Variants in GABRR1 observed in about 807,000 individuals in gnomAD.
The protein encoded by GABRR1 is gamma-aminobutyric acid receptor subunit rho-1.
GABRR1 carries 59 observed loss-of-function variants against 55.5 expected under a neutral mutation model. The ratio of observed to expected loss-of-function variants is 1.06; its 90% CI spans 0.86 to 1.32. The LOEUF (loss-of-function observed/expected upper bound fraction) is 1.32, where lower values mean the gene tolerates loss of function less well. Ranked by LOEUF, GABRR1 falls within the 40% of genes most tolerant of loss-of-function variation. The pLI, the probability that GABRR1 is intolerant of heterozygous loss-of-function variation, is 0.00. For missense variants in GABRR1, 602 were observed against 619.1 expected (o/e 0.97, Z 0.29); for synonymous variants, 213 against 226.0 (o/e 0.94, Z 0.51).
intron 1 of GABRR1, among the ~76,000 whole-genome samples, chr6:89,209,309 A>G (rs549098013): frequency 9.2e-5 from 14 of 151,930 alleles, no homozygotes; most frequent in Non-Finnish European, 1.8e-4. Context: ...TGTTCTCTTT[A>G]TTAGAATTCT....
At chr6:89,229,552 A>T (rs372695136) in intron 1 of GABRR1, among the ~76,000 whole-genome samples, 4 of 147,408 alleles carry the variant, frequency 2.7e-5, no homozygotes, top group South Asian at 4.4e-4. Context: ...GAAATTCTGC[A>T]TTGAAAATTC....
chr6:89,180,973 C>T (rs1446536713), intron 8 of GABRR1, among the ~76,000 whole-genome samples: 1 of 152,210 alleles, frequency 6.6e-6, no homozygotes, highest in Non-Finnish European at 1.5e-5. Flanking sequence ...CCCCAGCAGC[C>T]ACCACCATGC....
intron 5 of GABRR1, 110 bp downstream of exon 5, chr6:89,197,910 G>A: frequency 1.3e-6 from 1 of 796,060 alleles, no homozygotes; most frequent in Non-Finnish European, 2.1e-6. Flanking sequence ...TTGAGAAGCT[G>A]GCAACTACTG....
chr6:89,217,006 A>AG (rs1773004803), intron 1 of GABRR1, among the ~76,000 whole-genome samples, 195 bp downstream of exon 1: 1 of 152,218 alleles, frequency 6.6e-6, no homozygotes, highest in Non-Finnish European at 1.5e-5. Flanking sequence ...GATCTAATCT[A>AG]GCATCATTTT....
In GABRR1 at chr6:89,209,710, T is replaced by A. The variant is rs531507788; in HGVS notation, c.123-6225A>T. Among the ~76,000 whole-genome samples, 10 of 152,180 alleles carry A rather than the reference T, an allele frequency of 6.6e-5. No homozygotes were observed. In the South Asian group the frequency reaches 2.1e-3, roughly 32 times the overall value. ...CTTGTCTGAGGTTAGATTTATTTGATGAGGCAGCTTACAGTATTGGAAGGA... is the reference window on the plus strand; with the variant it reads ...CTTGTCTGAGGTTAGATTTATTTGAAGAGGCAGCTTACAGTATTGGAAGGA... On this transcript the variant is annotated intron_variant, in intron 1 of 9. Coordinates refer to ENST00000454853, the MANE Select transcript of GABRR1 (RefSeq NM_002042.5).
chr6:89,201,492 T>C (rs925745252), intron 2 of GABRR1, among the ~76,000 whole-genome samples: 4 of 152,130 alleles, frequency 2.6e-5, no homozygotes, highest in Non-Finnish European at 5.9e-5. Context: ...AAAATACTGA[T>C]GCCTGGGCCG....
intron 1 of GABRR1, among the ~76,000 whole-genome samples, chr6:89,223,979 T>C (rs1238896910): frequency 6.6e-6 from 1 of 151,914 alleles, no homozygotes; most frequent in Admixed American, 6.6e-5. Flanking sequence ...GGCCAGATGA[T>C]CTCGATCTCT....
intron 1 of GABRR1, among the ~76,000 whole-genome samples, chr6:89,229,898 A>G (rs1462351115): frequency 7.6e-6 from 1 of 131,152 alleles, no homozygotes; most frequent in African/African-American, 2.9e-5. Flanking sequence ...TGTCAGGTAC[A>G]CCAATCAGAC....
At chr6:89,186,789 G>A (rs1021572694) in intron 6 of GABRR1, among the ~76,000 whole-genome samples, 1 of 152,212 alleles carries the variant, frequency 6.6e-6, no homozygotes, top group African/African-American at 2.4e-5. Flanking sequence ...TGACAAGGCA[G>A]AGGTAAAGCC....
upstream of GABRR1, among the ~76,000 whole-genome samples, chr6:89,222,342 G>A (rs1773126998): frequency 6.6e-6 from 1 of 152,200 alleles, no homozygotes; most frequent in African/African-American, 2.4e-5. Context: ...AAGTAGCAGT[G>A]GCTTGGATCC....
chr6:89,201,819 C>A (rs9353652), intron 2 of GABRR1, among the ~76,000 whole-genome samples: 144,447 of 151,526 alleles, frequency 0.95, 68,915 homozygotes, highest in Middle Eastern at 0.98. Context: ...GCCCCACCTC[C>A]GAGATGCTGA....
At chr6:89,189,656 T>C (rs1392827107) in intron 6 of GABRR1, among the ~76,000 whole-genome samples, 3 of 149,856 alleles carry the variant, frequency 2.0e-5, no homozygotes, top group Admixed American at 2.0e-4. Context: ...AAACTTAAAG[T>C]ATAATTAAAA....
chr6:89,190,125 C>G (rs777971941), intron 6 of GABRR1, 40 bp downstream of exon 6: 3 of 1,398,166 alleles, frequency 2.1e-6, no homozygotes, highest in Non-Finnish European at 3.0e-6. Flanking sequence ...TGAGAATTAT[C>G]AGGAGCTGTG....
chr6:89,185,517 T>C, intron 6 of GABRR1, 67 bp from the exon 7 acceptor site: 3 of 1,438,640 alleles, frequency 2.1e-6, no homozygotes, highest in Non-Finnish European at 2.9e-6. Flanking sequence ...TGGGGCTATG[T>C]AGAAGCTGTG....
intron 5 of GABRR1, among the ~76,000 whole-genome samples, chr6:89,190,596 G>C (rs1008725108): frequency 1.3e-5 from 2 of 152,144 alleles, no homozygotes; most frequent in African/African-American, 4.8e-5. Context: ...ACCATATATT[G>C]TTCTCCTGTT....
At chr6:89,182,738 G>T (rs904013448) in intron 7 of GABRR1, among the ~76,000 whole-genome samples, 2 of 151,896 alleles carry the variant, frequency 1.3e-5, no homozygotes, top group East Asian at 3.9e-4. Context: ...TCAGCTGGGC[G>T]CGGTGGCTCA....
intron 7 of GABRR1, among the ~76,000 whole-genome samples, chr6:89,184,247 CAA>C (rs1164564083): frequency 4.4e-4 from 25 of 57,102 alleles, no homozygotes; most frequent in Middle Eastern, 0.012. Flanking sequence ...GACTCCGTCT[CAA>C]AAAAAAAAAA....
chr6:89,206,145 TAGCATATGGGAGGC>T (rs915403847), intron 1 of GABRR1, among the ~76,000 whole-genome samples: 1 of 152,060 alleles, frequency 6.6e-6, no homozygotes, highest in African/African-American at 2.4e-5. Flanking sequence ...TGTCATTACT[TAGCATATGGGAGGC>T]AGCAGGCTTT....
At chr6:89,180,589 A>G (rs1332631243) in intron 8 of GABRR1, 101 bp from the exon 9 acceptor site, 40 of 1,392,918 alleles carry the variant, frequency 2.9e-5, no homozygotes, top group Non-Finnish European at 2.9e-6. Flanking sequence ...CCCTCAATCT[A>G]GAATGTCTCC....
Sources: allele counts gnomAD v4.1 joint callset (sites outside exome capture counted in the v4.1 genomes callset), GRCh38; gene constraint gnomAD v4.1.1; transcripts MANE v1.5; gene names NCBI Gene and HGNC (gene_info 2026-07-23, HGNC 2026-07-21).